The following PIK3C2G variants were observed in gnomAD, a reference collection of about 807,000 sequenced individuals.
PIK3C2G encodes the protein phosphatidylinositol 3-kinase C2 domain-containing subunit gamma.
A neutral mutation model predicts 181.1 loss-of-function variants in PIK3C2G; 168 were observed. That is an observed-to-expected ratio of 0.93 (90% CI 0.82 to 1.05). The LOEUF (loss-of-function observed/expected upper bound fraction) is 1.05. Among genes scored for constraint, PIK3C2G ranks in the 50% least tolerant of loss-of-function variants. PIK3C2G has a pLI of 0.00. For synonymous variants in PIK3C2G, 573 were observed against 592.2 expected, an observed-to-expected ratio of 0.97 and a Z score of 0.47; for missense variants, 1,869 against 1,732.8, an observed-to-expected ratio of 1.08 and a Z score of -1.40.
chr12:18,334,305 A>G (rs540405051), intron 8 of PIK3C2G, among the ~76,000 whole-genome samples: 1 of 152,276 alleles, frequency 6.6e-6, no homozygotes, highest in South Asian at 2.1e-4. Context: ...AATTTTTCTT[A>G]TATTGAGTCA....
chr12:18,472,594 T>A (rs765258535), intron 18 of PIK3C2G, among the ~76,000 whole-genome samples: 1 of 152,190 alleles, frequency 6.6e-6, no homozygotes, highest in Non-Finnish European at 1.5e-5. Flanking sequence ...TTATATACAT[T>A]CATTGAATAA....
intron 29 of PIK3C2G, among the ~76,000 whole-genome samples, chr12:18,575,698 C>T (rs1485674722): frequency 6.6e-6 from 1 of 152,122 alleles, no homozygotes; most frequent in Non-Finnish European, 1.5e-5. Flanking sequence ...GGGCAAGTAG[C>T]AGTTGGTAAC....
At chr12:18,281,900 A>G (rs1949235692) in intron 1 of PIK3C2G, 104 bp from the exon 2 acceptor site, 3 of 549,048 alleles carry the variant, frequency 5.5e-6, no homozygotes, top group Non-Finnish European at 9.8e-6. Context: ...TTGCTAAAAA[A>G]AAGCCCACAA....
At chr12:18,468,880 G>A (rs2135967190) in intron 18 of PIK3C2G, among the ~76,000 whole-genome samples, 1 of 152,152 alleles carries the variant, frequency 6.6e-6, no homozygotes, top group South Asian at 2.1e-4. Flanking sequence ...ACCAGAAAAT[G>A]AGTCAAACCA....
chr12:18,581,867 C>T (rs1318403863), intron 29 of PIK3C2G, among the ~76,000 whole-genome samples: 2 of 152,008 alleles, frequency 1.3e-5, no homozygotes, highest in Non-Finnish European at 2.9e-5. Flanking sequence ...CTGTGCAGAA[C>T]CCCAATTTTA....
At chr12:18,460,304 T>G (rs982851851) in intron 18 of PIK3C2G, among the ~76,000 whole-genome samples, 1 of 152,044 alleles carries the variant, frequency 6.6e-6, no homozygotes, top group Non-Finnish European at 1.5e-5. Flanking sequence ...CCAGGTGCGG[T>G]GGCTCACTCC....
chr12:18,529,515 C>A (rs555507487), intron 24 of PIK3C2G, among the ~76,000 whole-genome samples: 1 of 152,076 alleles, frequency 6.6e-6, no homozygotes, highest in Non-Finnish European at 1.5e-5. Flanking sequence ...ATTATCTAGA[C>A]GCATAATTCA....
intron 12 of PIK3C2G, among the ~76,000 whole-genome samples, chr12:18,365,610 G>C (rs901899677): frequency 6.6e-6 from 1 of 152,050 alleles, no homozygotes; most frequent in African/African-American, 2.4e-5. Flanking sequence ...TGTTCTCCAT[G>C]TCCTTCTCTT....
At chr12:18,391,811 T>C (rs1943547954) in intron 15 of PIK3C2G, among the ~76,000 whole-genome samples, 1 of 152,108 alleles carries the variant, frequency 6.6e-6, no homozygotes, top group Non-Finnish European at 1.5e-5. Context: ...TCATGCTCAT[T>C]AATAACAAGC....
the PIK3C2G span, among the ~76,000 whole-genome samples, chr12:18,703,515 T>C: frequency 2.0e-5 from 3 of 152,316 alleles, no homozygotes; most frequent in Admixed American, 6.5e-5. Flanking sequence ...ATGTTATACA[T>C]TGACCAGACT....
At chr12:18,574,777 A>AT (rs1946144782) in intron 29 of PIK3C2G, among the ~76,000 whole-genome samples, 2 of 152,074 alleles carry the variant, frequency 1.3e-5, no homozygotes, top group African/African-American at 4.8e-5. Flanking sequence ...AAAGAGCTTT[A>AT]TTTTTTTCTC....
At chr12:18,689,544 A>G in the PIK3C2G span, among the ~76,000 whole-genome samples, 8 of 152,152 alleles carry the variant, frequency 5.3e-5, no homozygotes, top group African/African-American at 1.7e-4. Context: ...AAGCCAAAAT[A>G]TTGGACACCC....
intron 11 of PIK3C2G, among the ~76,000 whole-genome samples, chr12:18,362,313 C>T (rs1941308228): frequency 6.6e-6 from 1 of 152,238 alleles, no homozygotes; most frequent in East Asian, 1.9e-4. Flanking sequence ...CTCAAAGGTG[C>T]TAAGTCTAAG....
At chr12:18,673,170 G>A in the PIK3C2G span, among the ~76,000 whole-genome samples, 2 of 152,074 alleles carry the variant, frequency 1.3e-5, no homozygotes, top group Non-Finnish European at 2.9e-5. Context: ...TGTTTTTAAT[G>A]GTTAAATTGA....
chr12:18,483,803 T>C (rs894173055), intron 18 of PIK3C2G, among the ~76,000 whole-genome samples: 7 of 152,140 alleles, frequency 4.6e-5, no homozygotes, highest in African/African-American at 1.7e-4. Flanking sequence ...TAGCAACAAA[T>C]AGCCCCACAG....
downstream of PIK3C2G, among the ~76,000 whole-genome samples, chr12:18,649,255 G>T (rs118121531): frequency 0.01 from 1,536 of 152,162 alleles, 14 homozygotes; most frequent in Middle Eastern, 0.058. Context: ...AACTGCCACA[G>T]ATTTCCACAA....
intron 16 of PIK3C2G, among the ~76,000 whole-genome samples, chr12:18,408,874 C>T (rs559335095): frequency 4.2e-4 from 64 of 152,068 alleles, no homozygotes; most frequent in African/African-American, 1.3e-3. Context: ...GTTAGAATGG[C>T]GATCATTAAA....
At chr12:18,643,233 C>A (rs556616107) in intron 32 of PIK3C2G, among the ~76,000 whole-genome samples, 1 of 152,182 alleles carries the variant, frequency 6.6e-6, no homozygotes, top group East Asian at 1.9e-4. Flanking sequence ...TACCTAGGTC[C>A]TCACACATCC....
intron 13 of PIK3C2G, among the ~76,000 whole-genome samples, chr12:18,379,327 A>G (rs1393796363): frequency 1.5e-5 from 2 of 136,344 alleles, no homozygotes; most frequent in Non-Finnish European, 3.1e-5. Context: ...GAACACTTGG[A>G]CACAGGAAGG....
Sources: allele counts gnomAD v4.1 joint callset (sites outside exome capture counted in the v4.1 genomes callset), GRCh38; gene constraint gnomAD v4.1.1; transcripts MANE v1.5; gene names NCBI Gene and HGNC (gene_info 2026-07-23, HGNC 2026-07-21).